The following DOCK2 variants were observed in gnomAD, a reference collection of about 807,000 sequenced individuals.
DOCK2 encodes the protein dedicator of cytokinesis 2.
A neutral mutation model predicts 248.9 loss-of-function variants in DOCK2; 87 were observed. That is an observed-to-expected ratio of 0.35 (90% CI 0.29 to 0.42). DOCK2 has a LOEUF of 0.42. Ranked by LOEUF, DOCK2 falls within the 10% of genes least tolerant of loss-of-function variation. DOCK2 has a pLI of 1.00. For missense variants in DOCK2, 1,747 were observed against 2,300.2 expected, an observed-to-expected ratio of 0.76 and a Z score of 4.92; for synonymous variants, 805 against 821.6, an observed-to-expected ratio of 0.98 and a Z score of 0.35.
chr5:169,665,284 A>G (rs1421675036), intron 2 of DOCK2, among the ~76,000 whole-genome samples: 1 of 120,640 alleles, frequency 8.3e-6, no homozygotes, highest in Non-Finnish European at 1.7e-5. Context: ...ATGTTTATAT[A>G]TAAGTATCAG....
intron 25 of DOCK2, among the ~76,000 whole-genome samples, chr5:169,778,580 A>G (rs985155862): frequency 2.6e-5 from 4 of 152,226 alleles, no homozygotes; most frequent in African/African-American, 9.7e-5. Context: ...TCTCTCTGTA[A>G]AATGAGACTG....
chr5:170,013,720 C>T (rs1422762869), intron 32 of DOCK2, among the ~76,000 whole-genome samples: 2 of 152,122 alleles, frequency 1.3e-5, no homozygotes, highest in Non-Finnish European at 2.9e-5. Flanking sequence ...AAGTATTACA[C>T]TTATTACAAA....
chr5:170,021,981 C>G (rs1001513143), intron 33 of DOCK2, among the ~76,000 whole-genome samples: 1 of 152,124 alleles, frequency 6.6e-6, no homozygotes, highest in African/African-American at 2.4e-5. Context: ...GAACCAGGTC[C>G]CCAGAAGACC....
chr5:169,863,655 G>A (rs1211717113), intron 27 of DOCK2, among the ~76,000 whole-genome samples: 1 of 152,240 alleles, frequency 6.6e-6, no homozygotes, highest in Admixed American at 6.5e-5. Flanking sequence ...AAAGGTGCAT[G>A]CACCATGAGA....
At chr5:169,773,783 T>A (rs555016358) in intron 25 of DOCK2, among the ~76,000 whole-genome samples, 188 of 152,282 alleles carry the variant, frequency 1.2e-3, no homozygotes, top group Non-Finnish European at 2.0e-3. Context: ...GTGTTGTGGG[T>A]GTGACCTGGT....
chr5:169,691,284 C>A (rs1202758669), intron 9 of DOCK2, among the ~76,000 whole-genome samples: 2 of 152,144 alleles, frequency 1.3e-5, no homozygotes, highest in African/African-American at 4.8e-5. Context: ...CCCCATGATC[C>A]AATCACCTCC....
chr5:169,800,061 T>C (rs1278991241), intron 25 of DOCK2, among the ~76,000 whole-genome samples: 1 of 152,056 alleles, frequency 6.6e-6, no homozygotes, highest in African/African-American at 2.4e-5. Context: ...TGCCTCCACC[T>C]CCCAAAGTGC....
chr5:170,050,183 C>A (rs1197255563), intron 40 of DOCK2, 73 bp from the exon 41 acceptor site: 1 of 1,567,900 alleles, frequency 6.4e-7, no homozygotes, highest in Non-Finnish European at 8.7e-7. Flanking sequence ...ATTTTACAAG[C>A]TCCCCAGCTT....
At chr5:169,855,468 C>T (rs569366635) in intron 27 of DOCK2, among the ~76,000 whole-genome samples, 12 of 152,100 alleles carry the variant, frequency 7.9e-5, no homozygotes, top group South Asian at 4.2e-4. Flanking sequence ...GCTAGAGTGG[C>T]GTTAGATTAT....
chr5:170,046,168 A>G (rs10075025), intron 39 of DOCK2, among the ~76,000 whole-genome samples: 8,621 of 152,316 alleles, frequency 0.057, 550 homozygotes, highest in African/African-American at 0.15. Flanking sequence ...TGCAACTGCC[A>G]CCGCTGCTGC....
rs556158717 is a variant in DOCK2 at position 169,975,536 on chromosome 5, C to T, written c.2800-7532C>T. Among the ~76,000 whole-genome samples the T allele has an allele frequency of 1.2e-4, 18 of 152,282 alleles. No homozygotes were observed. The East Asian group carries it at 2.1e-3, about 18-fold the overall frequency. The stretch of plus-strand genomic sequence containing the variant: ...ACTGAACTTCTTTCAGCTCCTCCGA[C>T]GCTCCAAGCACATCCCACTTCGGGG... On this transcript the variant is annotated intron_variant, in intron 27 of 51. Coordinates refer to ENST00000520908, the MANE Select transcript of DOCK2 (RefSeq NM_004946.3).
intron 50 of DOCK2, 195 bp from the exon 51 acceptor site, chr5:170,081,647 A>G (rs1394674872): frequency 4.7e-6 from 3 of 642,820 alleles, no homozygotes; most frequent in South Asian, 2.1e-5. Flanking sequence ...AGGGTGGGCA[A>G]TCTTCACTGC....
chr5:169,953,099 G>A (rs191651044), intron 27 of DOCK2, among the ~76,000 whole-genome samples: 3 of 152,184 alleles, frequency 2.0e-5, no homozygotes, highest in East Asian at 1.9e-4. Context: ...TGAGGTGGGC[G>A]GATCACAAGG....
intron 27 of DOCK2, among the ~76,000 whole-genome samples, chr5:169,911,692 C>T (rs1774607949): frequency 6.6e-6 from 1 of 152,170 alleles, no homozygotes; most frequent in African/African-American, 2.4e-5. Context: ...CTATAATTAG[C>T]CAAGAAGTTG....
chr5:169,986,057 C>G lies in DOCK2; in HGVS notation c.2993+135C>G. ...GTGTTAAGGCATGCTTTCTTTCTAT[C>G]TTTAAACCCAGGGAAGGACTCCTCA... On this transcript the variant is annotated intron_variant, in intron 29 of 51. Transcript: ENST00000520908. 3 of 796,992 alleles carry G rather than the reference C, an allele frequency of 3.8e-6. No individual in the cohort carries two copies. In the East Asian group the frequency reaches 8.2e-5, roughly 22 times the overall value. The allele number at this position is 796,992 out of a possible 1,614,324, so 49.4% of individuals were successfully genotyped here. A position where few individuals can be genotyped will look rare whatever the true frequency, so the allele number is the denominator to read the frequency against.
At chr5:169,724,351 A>T (rs1026941918) in intron 22 of DOCK2, among the ~76,000 whole-genome samples, 1 of 152,180 alleles carries the variant, frequency 6.6e-6, no homozygotes, top group Non-Finnish European at 1.5e-5. Context: ...TAGTGAAGCT[A>T]TTCAGGCAAA....
intron 22 of DOCK2, among the ~76,000 whole-genome samples, chr5:169,734,742 T>C (rs572891942): frequency 3.9e-5 from 6 of 152,318 alleles, no homozygotes; most frequent in African/African-American, 1.4e-4. Context: ...TTTTGTGCAA[T>C]AGGTTTATTT....
chr5:170,034,811 T>G (rs1326850300), intron 35 of DOCK2, among the ~76,000 whole-genome samples: 1 of 152,166 alleles, frequency 6.6e-6, no homozygotes, highest in Non-Finnish European at 1.5e-5. Flanking sequence ...ACACATCACA[T>G]GGAAGGAAGA....
intron 27 of DOCK2, among the ~76,000 whole-genome samples, chr5:169,898,518 C>T (rs569124944): frequency 6.6e-6 from 1 of 150,988 alleles, no homozygotes; most frequent in African/African-American, 2.5e-5. Context: ...TACATGCACA[C>T]ACACACACAA....
Sources: gnomAD v4.1 joint callset for allele counts (sites outside exome capture counted in the v4.1 genomes callset) on GRCh38, gnomAD v4.1.1 for gene constraint, MANE v1.5 for transcripts, NCBI Gene and HGNC (gene_info 2026-07-23, HGNC 2026-07-21) for gene names.